Variants in IPCEF1 observed in about 807,000 individuals in gnomAD.
IPCEF1 encodes interaction protein for cytohesin exchange factors 1.
IPCEF1 carries 31 observed loss-of-function variants against 50.9 expected under a neutral mutation model. The ratio of observed to expected loss-of-function variants is 0.61; its 90% confidence interval spans 0.46 to 0.82. The LOEUF is 0.82. Ranked by LOEUF, IPCEF1 falls within the 40% of genes least tolerant of loss-of-function variation. The probability of loss-of-function intolerance (pLI) is 0.00; values close to 1 mark genes in which losing one functional copy is unlikely to be tolerated. For synonymous variants in IPCEF1, 181 were observed against 192.0 expected, an observed-to-expected ratio of 0.94 and a Z score of 0.47; for missense variants, 458 against 514.0, an observed-to-expected ratio of 0.89 and a Z score of 1.05.
At chr6:154,291,028 G>A (rs1350538537) in intron 1 of IPCEF1, among the ~76,000 whole-genome samples, 1 of 151,662 alleles carries the variant, frequency 6.6e-6, no homozygotes, top group Non-Finnish European at 1.5e-5. Context: ...TGAGTAGCTG[G>A]GATTACAGGC....
intron 10 of IPCEF1, among the ~76,000 whole-genome samples, chr6:154,175,042 G>A (rs1299816834): frequency 6.6e-6 from 1 of 152,178 alleles, no homozygotes; most frequent in African/African-American, 2.4e-5. Context: ...ACAACTACAT[G>A]GAAACTGAAC....
chr6:154,307,357 C>T (rs555774457), intron 1 of IPCEF1, among the ~76,000 whole-genome samples: 41 of 152,308 alleles, frequency 2.7e-4, no homozygotes, highest in East Asian at 2.1e-3. Flanking sequence ...CCATGTAAGA[C>T]GTGACTTGCT....
At chr6:154,175,461 T>C (rs971135107) in intron 10 of IPCEF1, among the ~76,000 whole-genome samples, 10 of 144,904 alleles carry the variant, frequency 6.9e-5, no homozygotes, top group African/African-American at 1.3e-4. Flanking sequence ...AAGAATCAAA[T>C]AGACACAATA....
chr6:154,200,465 A>G (rs1374042224), intron 9 of IPCEF1, among the ~76,000 whole-genome samples: 1 of 152,236 alleles, frequency 6.6e-6, no homozygotes, highest in Non-Finnish European at 1.5e-5. Context: ...TCATGCCTGT[A>G]ATCCCAGCAC....
intron 1 of IPCEF1, among the ~76,000 whole-genome samples, chr6:154,306,164 C>T (rs907670851): frequency 1.3e-5 from 2 of 152,166 alleles, no homozygotes; most frequent in African/African-American, 4.8e-5. Context: ...GAAGTCGCCC[C>T]ACGTCACTTA....
intron 2 of IPCEF1, among the ~76,000 whole-genome samples, chr6:154,277,936 T>C (rs1583937242): frequency 6.6e-6 from 1 of 152,064 alleles, no homozygotes; most frequent in Non-Finnish European, 1.5e-5. Context: ...ACATGCTCAC[T>C]TTCCCACTCG....
At chr6:154,175,477 T>A (rs1800240221) in intron 10 of IPCEF1, among the ~76,000 whole-genome samples, 1 of 147,818 alleles carries the variant, frequency 6.8e-6, no homozygotes. Flanking sequence ...CAATAAAAAA[T>A]GATAAAGGGG....
chr6:154,222,734 C>G (rs184950305), intron 6 of IPCEF1, among the ~76,000 whole-genome samples: 3 of 152,294 alleles, frequency 2.0e-5, no homozygotes, highest in Admixed American at 1.3e-4. Flanking sequence ...TAAGACATCT[C>G]AGAAAATTCA....
intron 10 of IPCEF1, among the ~76,000 whole-genome samples, chr6:154,171,439 A>G (rs1799861857): frequency 6.6e-6 from 1 of 152,174 alleles, no homozygotes; most frequent in Non-Finnish European, 1.5e-5. Context: ...GACAGAAACC[A>G]GAATAATAAT....
chr6:154,247,185 G>A, intron 4 of IPCEF1: 2 of 484,140 alleles, frequency 4.1e-6, no homozygotes, highest in Non-Finnish European at 7.4e-6. Context: ...AAGGGTTAAT[G>A]CCCACCTCAA....
chr6:154,201,107 G>A (rs546217326), intron 9 of IPCEF1, among the ~76,000 whole-genome samples: 5 of 152,124 alleles, frequency 3.3e-5, no homozygotes, highest in South Asian at 2.1e-4. Flanking sequence ...TTTCCCCTTC[G>A]CCTTCCTCCA....
At chr6:154,250,862 T>G (rs1781320541) in intron 3 of IPCEF1, among the ~76,000 whole-genome samples, 2 of 152,242 alleles carry the variant, frequency 1.3e-5, no homozygotes, top group African/African-American at 4.8e-5. Context: ...TGGTGGCTTT[T>G]GTCAATTTCT....
In IPCEF1 at chr6:154,221,301, G is replaced by A; in HGVS notation, c.348C>T (p.Ile116=). The change falls in exon 7 of 12, where the codon ATC becomes ATT. Residue 116 remains isoleucine, a synonymous_variant. Transcript: ENST00000367220. ...KHAFKISHPQ[I]KTFYFAAENV... is the part of the protein sequence containing the mutation. ...TCTCAGCTGCAAAATAAAAGGTCTTGATCTGTGGATGGCTGATCTTAAAAG... is the reference window on the plus strand; with the variant it reads ...TCTCAGCTGCAAAATAAAAGGTCTTAATCTGTGGATGGCTGATCTTAAAAG... 1 of 1,613,948 alleles carries A rather than the reference G, an allele frequency of 6.2e-7. No individual in the cohort carries two copies. The highest frequency in any genetic ancestry group is 1.7e-5 in the Admixed American group (1 of 60,010).
chr6:154,284,740 G>A (rs1465403920), intron 2 of IPCEF1, among the ~76,000 whole-genome samples: 5 of 152,150 alleles, frequency 3.3e-5, no homozygotes, highest in East Asian at 3.9e-4. Flanking sequence ...AGTGGCTCAC[G>A]CCTATAATTC....
chr6:154,303,455 G>A (rs1325227491), intron 1 of IPCEF1, among the ~76,000 whole-genome samples: 7 of 152,262 alleles, frequency 4.6e-5, no homozygotes, highest in South Asian at 2.1e-4. Flanking sequence ...CTCAGAACAC[G>A]AGAGGGTTGT....
In IPCEF1 at chr6:154,177,188, G is replaced by A. The variant is rs148405735; in HGVS notation, c.911-9075C>T. Among the ~76,000 whole-genome samples, 1,363 of 152,244 alleles carry A rather than the reference G, an allele frequency of 9.0e-3. 15 individuals are homozygous for A. Among genetic ancestry groups the A allele is most frequent in the Non-Finnish European group, 0.014 (954 of 68,022 alleles). On this transcript the variant is annotated intron_variant, in intron 10 of 11. Transcript: ENST00000367220. ...AAGACCTAAAACCATAAAAACCCTA[G>A]AAGAAAACCTAGGCAATACCGTTCA... is the stretch of plus-strand genomic sequence containing the variant.
At chr6:154,223,094 AC>A in intron 6 of IPCEF1, 75 bp downstream of exon 6, 1 of 1,166,446 alleles carries the variant, frequency 8.6e-7, no homozygotes, top group South Asian at 1.2e-5. Context: ...CTTCTAAATC[AC>A]CATATCCCTT....
At chr6:154,239,950 C>A (rs540768616) in intron 5 of IPCEF1, among the ~76,000 whole-genome samples, 4 of 152,308 alleles carry the variant, frequency 2.6e-5, no homozygotes, top group African/African-American at 9.6e-5. Flanking sequence ...GATCTGCCCA[C>A]CTCAGCCACC....
Position 154,159,434 on chromosome 6 carries a change from A to G in IPCEF1, c.*394T>C, listed in dbSNP as rs141722456. ...AGCTTCCCAGTCAAGTGGAATATGT[A>G]CATTCTTCTTTTGAAAAACAGAATG... On this transcript the variant is annotated 3_prime_UTR_variant, in exon 12 of 12. Transcript: ENST00000367220. The G allele has an allele frequency of 4.6e-6, 1 of 217,314 alleles. No individual in the cohort carries two copies. Among genetic ancestry groups the G allele is most frequent in the East Asian group, 1.7e-4 (1 of 5,854 alleles). 13.5% of individuals were successfully genotyped at this position (217,314 alleles called of 1,614,324 possible). A position where few individuals can be genotyped will look rare whatever the true frequency, so the allele number is the denominator to read the frequency against.
Sources: allele counts gnomAD v4.1 joint callset (sites outside exome capture counted in the v4.1 genomes callset), GRCh38; gene constraint gnomAD v4.1.1; transcripts MANE v1.5; gene names NCBI Gene and HGNC (gene_info 2026-07-23, HGNC 2026-07-21).